Variants in KCNQ5 observed in about 807,000 individuals in gnomAD.
KCNQ5 encodes the protein potassium voltage-gated channel subfamily KQT member 5.
A neutral mutation model predicts 98.2 loss-of-function variants in KCNQ5; 30 were observed. That is an observed-to-expected ratio of 0.31 (90% CI 0.23 to 0.41). The LOEUF (loss-of-function observed/expected upper bound fraction) is 0.41, where lower values mean the gene tolerates loss of function less well. KCNQ5 is among the 10% of genes least tolerant of loss of function. KCNQ5 has a pLI of 1.00. For synonymous variants in KCNQ5, 458 were observed against 449.4 expected (o/e 1.02, Z -0.24); for missense variants, 835 against 1,182.5 (o/e 0.71, Z 4.31).
At chr6:73,183,599 A>C (rs1156228847) in intron 11 of KCNQ5, among the ~76,000 whole-genome samples, 1 of 152,202 alleles carries the variant, frequency 6.6e-6, no homozygotes, top group Non-Finnish European at 1.5e-5. Flanking sequence ...CAGAGAAATA[A>C]GAAAATGCTG....
intron 1 of KCNQ5, among the ~76,000 whole-genome samples, chr6:72,854,397 C>T (rs1464535714): frequency 2.0e-5 from 3 of 151,330 alleles, no homozygotes; most frequent in Admixed American, 6.6e-5. Flanking sequence ...TATCTGTGAT[C>T]GCAAAACTGT....
intron 1 of KCNQ5, among the ~76,000 whole-genome samples, chr6:72,914,884 G>C (rs1288782530): frequency 1.3e-5 from 2 of 151,914 alleles, no homozygotes; most frequent in Non-Finnish European, 2.9e-5. Flanking sequence ...GAAGAATGCA[G>C]GCCCAGCAAG....
At chr6:73,139,946 G>A (rs140811519) in intron 10 of KCNQ5, among the ~76,000 whole-genome samples, 25 of 151,860 alleles carry the variant, frequency 1.6e-4, no homozygotes, top group African/African-American at 5.8e-4. Context: ...TACACCATGT[G>A]GGGTGCCAGA....
chr6:73,170,167 T>C (rs979332727), intron 11 of KCNQ5, among the ~76,000 whole-genome samples: 2 of 152,228 alleles, frequency 1.3e-5, no homozygotes, highest in Non-Finnish European at 2.9e-5. Flanking sequence ...AATTGGATTT[T>C]TTAATTATTT....
intron 5 of KCNQ5, among the ~76,000 whole-genome samples, chr6:73,083,478 TA>T (rs545267462): frequency 6.6e-5 from 10 of 150,788 alleles, no homozygotes; most frequent in African/African-American, 1.7e-4. Flanking sequence ...TATGCACCAC[TA>T]AAAAAAAAGT....
At chr6:73,065,192 T>C (rs1772993257) in intron 3 of KCNQ5, among the ~76,000 whole-genome samples, 1 of 152,154 alleles carries the variant, frequency 6.6e-6, no homozygotes, top group South Asian at 2.1e-4. Flanking sequence ...GCCCTTCAAA[T>C]AGTGCTCCTC....
intron 1 of KCNQ5, among the ~76,000 whole-genome samples, chr6:72,897,073 A>G (rs117440298): frequency 0.012 from 1,854 of 152,262 alleles, 22 homozygotes; most frequent in Middle Eastern, 0.034. Context: ...GAGCCCCAAC[A>G]TAGAAAACAG....
chr6:73,013,578 A>T (rs1770180686), intron 2 of KCNQ5, among the ~76,000 whole-genome samples: 1 of 152,154 alleles, frequency 6.6e-6, no homozygotes, highest in African/African-American at 2.4e-5. Flanking sequence ...CTAGAAAAAT[A>T]AAACTGGCAA....
chr6:72,929,969 G>A (rs1765615966), intron 1 of KCNQ5, among the ~76,000 whole-genome samples: 1 of 152,020 alleles, frequency 6.6e-6, no homozygotes, highest in Non-Finnish European at 1.5e-5. Context: ...TAACTGTCAG[G>A]AAGCTTAGTG....
At chr6:72,673,171 G>C (rs1267811605) in intron 1 of KCNQ5, among the ~76,000 whole-genome samples, 3 of 152,164 alleles carry the variant, frequency 2.0e-5, no homozygotes, top group African/African-American at 7.2e-5. Flanking sequence ...GTCAAGGACT[G>C]TTAACTCCAT....
chr6:72,826,928 A>C (rs973917607), intron 1 of KCNQ5, among the ~76,000 whole-genome samples: 2 of 152,040 alleles, frequency 1.3e-5, no homozygotes. Flanking sequence ...TTATACTTCC[A>C]AGAGATCAAC....
rs193260444 is a variant in KCNQ5 at position 72,754,271 on chromosome 6, T to C, written c.398+131684T>C. ...TGTCAAATGCTATTTTTATATCTAT[T>C]GACATGTTGATTTTTATTTGTGTAA... On this transcript the variant is annotated intron_variant, in intron 1 of 13. Coordinates refer to ENST00000370398, the MANE Select transcript of KCNQ5 (RefSeq NM_019842.4). Among the ~76,000 whole-genome samples the C allele has an allele frequency of 1.5e-4, 23 of 152,286 alleles. No individual in the cohort carries two copies. The East Asian group carries it at 4.4e-3, about 29-fold the overall frequency.
chr6:72,982,588 C>T (rs1015825630), intron 1 of KCNQ5, among the ~76,000 whole-genome samples: 2 of 148,856 alleles, frequency 1.3e-5, no homozygotes, highest in Non-Finnish European at 3.0e-5. Context: ...AGATGGGTCT[C>T]CTGAATACAG....
At chr6:72,844,263 G>C (rs1181581435) in intron 1 of KCNQ5, among the ~76,000 whole-genome samples, 1 of 152,198 alleles carries the variant, frequency 6.6e-6, no homozygotes, top group East Asian at 1.9e-4. Flanking sequence ...TCTCTGGAAA[G>C]ATTCAAGTTA....
chr6:73,028,943 A>G (rs1771010524), intron 2 of KCNQ5, among the ~76,000 whole-genome samples: 1 of 152,182 alleles, frequency 6.6e-6, no homozygotes, highest in Admixed American at 6.5e-5. Flanking sequence ...ACTGTGGCAG[A>G]TCAGTTCCCT....
At chr6:72,691,000 C>T (rs1768190575) in intron 1 of KCNQ5, among the ~76,000 whole-genome samples, 1 of 152,078 alleles carries the variant, frequency 6.6e-6, no homozygotes, top group Non-Finnish European at 1.5e-5. Flanking sequence ...AATTATTAGC[C>T]TCTTAACCAC....
chr6:73,133,304 G>A, intron 9 of KCNQ5, 117 bp from the exon 10 acceptor site: 1 of 817,510 alleles, frequency 1.2e-6, no homozygotes, highest in Non-Finnish European at 1.9e-6. Context: ...GCTCCTACGT[G>A]CTGAAAACAT....
intron 5 of KCNQ5, among the ~76,000 whole-genome samples, chr6:73,078,773 A>T (rs1773640642): frequency 6.6e-6 from 1 of 152,228 alleles, no homozygotes; most frequent in African/African-American, 2.4e-5. Flanking sequence ...AAAGGCTATG[A>T]AAAGAGCAGA....
intron 10 of KCNQ5, among the ~76,000 whole-genome samples, chr6:73,152,878 G>A (rs910840211): frequency 7.2e-5 from 11 of 152,136 alleles, no homozygotes; most frequent in South Asian, 4.1e-4. Flanking sequence ...CCATTATTAC[G>A]ATAACGAGCA....
Sources: gnomAD v4.1 joint callset for allele counts (sites outside exome capture counted in the v4.1 genomes callset) on GRCh38, gnomAD v4.1.1 for gene constraint, MANE v1.5 for transcripts, NCBI Gene and HGNC (gene_info 2026-07-23, HGNC 2026-07-21) for gene names.